Variants in SMG6 observed in about 807,000 individuals in gnomAD.
SMG6 encodes the protein telomerase-binding protein EST1A.
SMG6 carries 66 observed loss-of-function variants against 142.2 expected under a neutral mutation model. That is an observed-to-expected ratio of 0.46 (90% CI 0.38 to 0.57). The LOEUF (loss-of-function observed/expected upper bound fraction) is 0.57. SMG6 is among the 20% of genes least tolerant of loss of function. SMG6 has a pLI of 0.00. For synonymous variants in SMG6, 779 were observed against 702.4 expected (o/e 1.11, Z -1.72); for missense variants, 1,793 against 1,832.0 (o/e 0.98, Z 0.39).
chr17:2,280,060 G>T (rs2074750260), intron 8 of SMG6, among the ~76,000 whole-genome samples: 1 of 151,878 alleles, frequency 6.6e-6, no homozygotes, highest in Non-Finnish European at 1.5e-5. Context: ...AATCATTTTT[G>T]GTTATTTTAA....
chr17:2,253,809 CT>C (rs1373181758), intron 8 of SMG6, among the ~76,000 whole-genome samples: 1 of 152,172 alleles, frequency 6.6e-6, no homozygotes, highest in African/African-American at 2.4e-5. Context: ...ATGCCAAAGA[CT>C]CCTGCTCTCG....
At chr17:2,182,243 G>A (rs939271090) in intron 12 of SMG6, among the ~76,000 whole-genome samples, 3 of 152,232 alleles carry the variant, frequency 2.0e-5, no homozygotes, top group Non-Finnish European at 4.4e-5. Context: ...GTTTGAGGCT[G>A]TAGATGTTAA....
At chr17:2,159,158 C>T (rs1445742398) in intron 13 of SMG6, among the ~76,000 whole-genome samples, 2 of 152,052 alleles carry the variant, frequency 1.3e-5, no homozygotes, top group African/African-American at 2.4e-5. Context: ...CAGTGGCTCA[C>T]GCCTGTAATC....
intron 8 of SMG6, among the ~76,000 whole-genome samples, chr17:2,260,715 C>T (rs914541809): frequency 6.6e-6 from 1 of 152,132 alleles, no homozygotes; most frequent in African/African-American, 2.4e-5. Flanking sequence ...AGGGAAGAGG[C>T]CGGGCGCAGT....
At chr17:2,269,008 T>G (rs1334197739) in intron 8 of SMG6, among the ~76,000 whole-genome samples, 4 of 151,096 alleles carry the variant, frequency 2.6e-5, no homozygotes, top group Non-Finnish European at 5.9e-5. Flanking sequence ...ATCGAGACCA[T>G]CCTGGCTAAC....
At chr17:2,167,772 CT>C (rs1196394395) in intron 13 of SMG6, among the ~76,000 whole-genome samples, 2 of 152,236 alleles carry the variant, frequency 1.3e-5, no homozygotes, top group Non-Finnish European at 1.5e-5. Flanking sequence ...AGCAATAAAG[CT>C]GCTCACGTTG....
chr17:2,291,055 GGT>G, intron 6 of SMG6, among the ~76,000 whole-genome samples: 1 of 152,216 alleles, frequency 6.6e-6, no homozygotes, highest in Non-Finnish European at 1.5e-5. Context: ...CACATGGCCA[GGT>G]GCGGTGGCTC....
chr17:2,179,508 G>A (rs1458323059), intron 12 of SMG6, among the ~76,000 whole-genome samples: 3 of 151,800 alleles, frequency 2.0e-5, no homozygotes, highest in African/African-American at 4.8e-5. Flanking sequence ...GGCTCCCTAC[G>A]ACCCTTCTCC....
chr17:2,263,923 T>C (rs1259571481), intron 8 of SMG6, among the ~76,000 whole-genome samples: 1 of 152,068 alleles, frequency 6.6e-6, no homozygotes, highest in African/African-American at 2.4e-5. Context: ...TTTTACAGAA[T>C]GATCAAACTA....
At chr17:2,245,048 T>C (rs1450644748) in intron 8 of SMG6, 1 of 273,178 alleles carries the variant, frequency 3.7e-6, no homozygotes, top group Admixed American at 4.9e-5. Flanking sequence ...TAGGAGCCAC[T>C]CCGGCTCCAT....
chr17:2,076,739 T>A (rs1597345553), intron 15 of SMG6, among the ~76,000 whole-genome samples: 1 of 152,226 alleles, frequency 6.6e-6, no homozygotes, highest in East Asian at 1.9e-4. Flanking sequence ...TGCTGAGAAA[T>A]CCTCTTGTGG....
At chr17:2,142,005 T>C (rs1413742692) in intron 13 of SMG6, among the ~76,000 whole-genome samples, 1 of 152,104 alleles carries the variant, frequency 6.6e-6, no homozygotes, top group Non-Finnish European at 1.5e-5. Context: ...AGAAACTTCG[T>C]TTAGTGAGGA....
intron 13 of SMG6, chr17:2,088,119 C>T (rs1253109962): frequency 3.7e-5 from 36 of 985,438 alleles, no homozygotes; most frequent in Non-Finnish European, 4.1e-5. Flanking sequence ...GGCACCCCTG[C>T]TAAGTGTGCA....
intron 1 of SMG6, chr17:2,303,112 C>CT (rs1363361721): frequency 2.6e-5 from 26 of 985,334 alleles, no homozygotes; most frequent in Middle Eastern, 5.2e-4. Flanking sequence ...CCCGAGTAGT[C>CT]TGAGGTCCCG....
At chr17:2,104,218 TG>T (rs2069092467) in intron 13 of SMG6, among the ~76,000 whole-genome samples, 1 of 152,090 alleles carries the variant, frequency 6.6e-6, no homozygotes, top group Non-Finnish European at 1.5e-5. Context: ...CCCAAAGTGC[TG>T]GGATTACAGG....
rs2068097367 is a variant in SMG6 at position 2,071,451 on chromosome 17, T to C, written c.3682-2520A>G. Among the ~76,000 whole-genome samples the C allele has an allele frequency of 6.6e-6, 1 of 152,224 alleles. No homozygotes were observed. The highest frequency in any genetic ancestry group is 2.4e-5 in the African/African-American group (1 of 41,460). On this transcript the variant is annotated intron_variant, in intron 15 of 18. Transcript: ENST00000263073. This position sits in a 1 kb window ranked among gnomAD's most constrained non-coding sequence, Gnocchi z 5.6. ...CTAGAAGCGAGGTCCAGAGACGCTCTAAATTCCCCGGGTTCTTAGCTCTGG... is the reference window on the plus strand; with the variant it reads ...CTAGAAGCGAGGTCCAGAGACGCTCCAAATTCCCCGGGTTCTTAGCTCTGG...
intron 6 of SMG6, among the ~76,000 whole-genome samples, chr17:2,285,550 A>C (rs1379420970): frequency 2.0e-5 from 3 of 152,200 alleles, no homozygotes; most frequent in Non-Finnish European, 4.4e-5. Flanking sequence ...TTAAGAAAAC[A>C]ATTTCTGGCT....
At chr17:2,088,154 T>C (rs749408862) in intron 13 of SMG6, 25 of 985,236 alleles carry the variant, frequency 2.5e-5, no homozygotes, top group Non-Finnish European at 3.0e-5. Context: ...AGGACAGGAG[T>C]GTGCCACGGA....
At chr17:2,227,387 A>G (rs1163307766) in intron 10 of SMG6, among the ~76,000 whole-genome samples, 14 of 152,254 alleles carry the variant, frequency 9.2e-5, no homozygotes, top group Admixed American at 9.2e-4. Context: ...CAGTAATGCA[A>G]GGAAATGAAA....
Sources: gnomAD v4.1 joint callset for allele counts (sites outside exome capture counted in the v4.1 genomes callset) on GRCh38, gnomAD v4.1.1 for gene constraint, Gnocchi (gnomAD v3.1) non-coding constraint, MANE v1.5 for transcripts, NCBI Gene and HGNC (gene_info 2026-07-23, HGNC 2026-07-21) for gene names.